Variants in SHLD2 observed in about 807,000 individuals in gnomAD.
SHLD2 encodes the protein RINN1-REV7-interacting novel NHEJ regulator 2.
In SHLD2, 30 loss-of-function variants were observed where a neutral mutation model predicts 73.2. The ratio of observed to expected loss-of-function variants is 0.41; its 90% CI spans 0.31 to 0.56. SHLD2 has a LOEUF of 0.56. Ranked by LOEUF, SHLD2 falls within the 20% of genes least tolerant of loss-of-function variation. The pLI is 0.28. For synonymous variants in SHLD2, 285 were observed against 370.1 expected (o/e 0.77, Z 2.64); for missense variants, 745 against 1,055.9 (o/e 0.71, Z 4.08).
intron 4 of SHLD2, among the ~76,000 whole-genome samples, chr10:87,163,961 C>CTT (rs201405790): frequency 2.1e-4 from 25 of 117,908 alleles, no homozygotes; most frequent in Middle Eastern, 4.7e-3. Flanking sequence ...CTTTTCTTTT[C>CTT]TTTTTTTTTT....
intron 3 of SHLD2, among the ~76,000 whole-genome samples, chr10:87,157,759 A>G (rs1193355830): frequency 6.6e-6 from 1 of 152,240 alleles, no homozygotes; most frequent in Admixed American, 6.5e-5. Flanking sequence ...AATATACATG[A>G]TAACATTTTC....
intron 2 of SHLD2, among the ~76,000 whole-genome samples, chr10:87,110,050 G>C (rs567983234): frequency 6.6e-6 from 1 of 152,182 alleles, no homozygotes; most frequent in East Asian, 1.9e-4. Context: ...CACTTTGGGA[G>C]GCTGACACAG....
chr10:87,178,489 T>A (rs1848094832), intron 7 of SHLD2, among the ~76,000 whole-genome samples: 1 of 150,558 alleles, frequency 6.6e-6, no homozygotes, highest in Non-Finnish European at 1.5e-5. Context: ...CCAAGAAGAG[T>A]GGATCACTTG....
chr10:87,101,967 G>A (rs766318121), intron 2 of SHLD2, among the ~76,000 whole-genome samples: 5 of 152,170 alleles, frequency 3.3e-5, no homozygotes, highest in African/African-American at 1.2e-4. Context: ...AGTGGATTCT[G>A]TATGATTTTC....
At chr10:87,153,661 G>A (rs1456827330) in intron 3 of SHLD2, among the ~76,000 whole-genome samples, 1 of 152,042 alleles carries the variant, frequency 6.6e-6, no homozygotes, top group Non-Finnish European at 1.5e-5. Context: ...TATTTATTGG[G>A]AGCTTAGTTT....
At chr10:87,184,319 G>A (rs909876234) in intron 8 of SHLD2, among the ~76,000 whole-genome samples, 1 of 151,738 alleles carries the variant, frequency 6.6e-6, no homozygotes, top group Admixed American at 6.6e-5. Context: ...ATCTCAGCAG[G>A]GGCATTGTTG....
chr10:87,158,261 G>A (rs1348168459), intron 4 of SHLD2, 106 bp downstream of exon 4: 1 of 1,156,098 alleles, frequency 8.6e-7, no homozygotes, highest in Non-Finnish European at 1.2e-6. Flanking sequence ...TTTCTAAACA[G>A]TTGGAGAGTA....
At chr10:87,104,408 A>C (rs1842464491) in intron 2 of SHLD2, among the ~76,000 whole-genome samples, 1 of 150,466 alleles carries the variant, frequency 6.6e-6, no homozygotes, top group Non-Finnish European at 1.5e-5. Context: ...TTAGCCAGGC[A>C]TAATGGCGAG....
chr10:87,155,838 G>T (rs997588033), intron 3 of SHLD2, among the ~76,000 whole-genome samples: 1 of 151,884 alleles, frequency 6.6e-6, no homozygotes, highest in Non-Finnish European at 1.5e-5. Context: ...ACATTTAGAT[G>T]ATTTCTATGA....
chr10:87,181,539 C>T (rs1404407386), intron 8 of SHLD2, among the ~76,000 whole-genome samples: 4 of 152,088 alleles, frequency 2.6e-5, no homozygotes, highest in Non-Finnish European at 5.9e-5. Context: ...TTGCTCAATA[C>T]TATTCCTTAT....
rs368235396 is a variant in SHLD2, at chr10:87,117,005, T to A, written c.-6+20016T>A. On this transcript the variant is annotated intron_variant, in intron 2 of 9. Coordinates refer to ENST00000298786, the MANE Select transcript of SHLD2 (RefSeq NM_001330112.2). ...CAAGACTGGATAGTGGAATTGAAGATTGAACGGGAGGAGCAGTTGCTGGTT... is the reference window on the plus strand; with the variant it reads ...CAAGACTGGATAGTGGAATTGAAGAATGAACGGGAGGAGCAGTTGCTGGTT... 1.7e-4 allele frequency among the ~76,000 whole-genome samples: 26 copies of A among 152,308 alleles called. No homozygotes were observed. In the East Asian group the frequency reaches 4.8e-3, roughly 28 times the overall value.
intron 2 of SHLD2, among the ~76,000 whole-genome samples, chr10:87,112,829 A>G (rs1843015056): frequency 6.6e-6 from 1 of 152,114 alleles, no homozygotes; most frequent in East Asian, 1.9e-4. Context: ...TACAGATACT[A>G]TGGGAAACAG....
intron 4 of SHLD2, among the ~76,000 whole-genome samples, chr10:87,168,675 G>A (rs1232450101): frequency 6.6e-6 from 1 of 152,054 alleles, no homozygotes; most frequent in Non-Finnish European, 1.5e-5. Flanking sequence ...AGTGAATTGA[G>A]GGAGGAACAG....
In SHLD2 at chr10:87,146,196, T is replaced by G. The variant is rs1400953295; in HGVS notation, c.-5-5154T>G. On this transcript the variant is annotated intron_variant, in intron 2 of 9. Transcript: ENST00000298786. ...ACAAGGGTATTTGTTTAGACGAAGC[T>G]TGTTCAACCCACAGCCTGTGGGGCT... Among the ~76,000 whole-genome samples, 3 of 152,196 alleles carry G rather than the reference T, an allele frequency of 2.0e-5. No homozygotes were observed. The East Asian group carries it at 5.8e-4, about 29-fold the overall frequency.
rs1252722005 is a variant in SHLD2, at chr10:87,158,032, T to A, written c.1526-16T>A. On this transcript the variant is annotated splice_polypyrimidine_tract_variant and intron_variant, in intron 3 of 9. Coordinates refer to ENST00000298786, the MANE Select transcript of SHLD2 (RefSeq NM_001330112.2). Reference sequence around the variant, plus strand: ...AGGAATTTATGGCATGATCAGAACGTTTTTTCTCTCTCTAGATGTTGTTAT... The same window carrying A: ...AGGAATTTATGGCATGATCAGAACGATTTTTCTCTCTCTAGATGTTGTTAT... 1 of 1,607,916 alleles carries A rather than the reference T, an allele frequency of 6.2e-7. No individual in the cohort carries two copies. The highest frequency in any genetic ancestry group is 8.5e-7 in the Non-Finnish European group (1 of 1,177,404).
At chr10:87,101,928 A>C (rs1183318267) in intron 2 of SHLD2, among the ~76,000 whole-genome samples, 1 of 152,040 alleles carries the variant, frequency 6.6e-6, no homozygotes, top group Middle Eastern at 3.2e-3. Flanking sequence ...ACCTTACTGA[A>C]CTCATTTATT....
At chr10:87,152,946 T>A in intron 3 of SHLD2, 67 bp downstream of exon 3, 1 of 1,424,638 alleles carries the variant, frequency 7.0e-7, no homozygotes, top group South Asian at 1.3e-5. Flanking sequence ...TTTGTTTTTC[T>A]CCCACTTAGT....
chr10:87,108,568 G>C (rs575679620), intron 2 of SHLD2, among the ~76,000 whole-genome samples: 1 of 152,198 alleles, frequency 6.6e-6, no homozygotes, highest in South Asian at 2.1e-4. Context: ...GCCTTTTAAA[G>C]TACTGGGATT....
intron 2 of SHLD2, among the ~76,000 whole-genome samples, chr10:87,123,771 G>A (rs1410277378): frequency 3.3e-5 from 5 of 152,136 alleles, no homozygotes; most frequent in Admixed American, 6.5e-5. Context: ...GAGTTCTCAC[G>A]ATCTCCTTAC....
Sources: gnomAD v4.1 joint callset for allele counts (sites outside exome capture counted in the v4.1 genomes callset) on GRCh38, gnomAD v4.1.1 for gene constraint, MANE v1.5 for transcripts, NCBI Gene and HGNC (gene_info 2026-07-23, HGNC 2026-07-21) for gene names.